MPC2: variants seen among roughly 807,000 people sequenced by gnomAD.
MPC2 encodes the protein mitochondrial pyruvate carrier 2, also known as brain protein 44.
MPC2 carries 19 observed loss-of-function variants against 19.2 expected under a neutral mutation model. The ratio of observed to expected loss-of-function variants is 0.99; its 90% CI spans 0.69 to 1.45. The LOEUF is 1.45. Ranked by LOEUF, MPC2 falls within the 40% of genes most tolerant of loss-of-function variation. The probability of loss-of-function intolerance (pLI) is 0.00; values close to 1 mark genes in which losing one functional copy is unlikely to be tolerated. For synonymous variants in MPC2, 61 were observed against 54.3 expected, an observed-to-expected ratio of 1.12 and a Z score of -0.54; for missense variants, 122 against 153.0, an observed-to-expected ratio of 0.80 and a Z score of 1.07.
intron 2 of MPC2, among the ~76,000 whole-genome samples, chr1:167,929,967 G>C (rs773421746): frequency 6.6e-6 from 1 of 151,924 alleles, no homozygotes. Flanking sequence ...AAGTTCACCT[G>C]TTTGCTATCA....
chr1:167,931,232 G>T (rs1467715729), intron 2 of MPC2, among the ~76,000 whole-genome samples: 1 of 152,082 alleles, frequency 6.6e-6, no homozygotes, highest in African/African-American at 2.4e-5. Flanking sequence ...GCGCCCAGCT[G>T]ATATTCCTTT....
chr1:167,936,758 G>C (rs1328176771), intron 1 of MPC2, 181 bp downstream of exon 1: 2 of 651,540 alleles, frequency 3.1e-6, no homozygotes, highest in Admixed American at 5.8e-5. Flanking sequence ...CAGGGGCCCA[G>C]GCGCCGCTGC....
chr1:167,935,880 G>A lies in MPC2; in HGVS notation c.-39C>T. 6.8e-7 allele frequency: 1 copy of A among 1,468,596 alleles called. No individual in the cohort carries two copies. Among genetic ancestry groups the A allele is most frequent in the Non-Finnish European group, 9.3e-7 (1 of 1,073,782 alleles). 91.0% of individuals were successfully genotyped at this position (1,468,596 alleles called of 1,614,324 possible). ...TCGTTGGCAGCCGGGTGGGAGCGTG[G>A]CTGTGTTCTCGTCCCTGGCTGACAA... is the stretch of plus-strand genomic sequence containing the variant. On this transcript the variant is annotated 5_prime_UTR_variant, in exon 2 of 6. Coordinates refer to ENST00000271373, the MANE Select transcript of MPC2 (RefSeq NM_001143674.4).
intron 2 of MPC2, among the ~76,000 whole-genome samples, chr1:167,928,276 A>G (rs1286567054): frequency 2.7e-5 from 4 of 149,002 alleles, no homozygotes; most frequent in Non-Finnish European, 6.0e-5. Flanking sequence ...TGAAGCCGGG[A>G]GGTGGAGCTT....
chr1:167,926,601 G>A (rs1366257564), intron 2 of MPC2, among the ~76,000 whole-genome samples: 1 of 152,200 alleles, frequency 6.6e-6, no homozygotes, highest in African/African-American at 2.4e-5. Context: ...CCCCAACTGT[G>A]GTGCCCCAAC....
At chr1:167,924,837 T>C (rs1200011668) in intron 2 of MPC2, among the ~76,000 whole-genome samples, 15 of 152,334 alleles carry the variant, frequency 9.8e-5, no homozygotes, top group Non-Finnish European at 8.8e-5. Flanking sequence ...TCTAATGTAC[T>C]TTCATACTAG....
At chr1:167,935,517 G>C (rs1671095581) in intron 2 of MPC2, among the ~76,000 whole-genome samples, 1 of 152,168 alleles carries the variant, frequency 6.6e-6, no homozygotes, top group African/African-American at 2.4e-5. Context: ...CACATAGGTG[G>C]GGAAGGGAGC....
intron 3 of MPC2, among the ~76,000 whole-genome samples, chr1:167,922,693 CAA>C (rs1011142607): frequency 1.3e-4 from 19 of 151,946 alleles, no homozygotes; most frequent in Admixed American, 7.9e-4. Flanking sequence ...GACAAAATGA[CAA>C]AGAGACTAAA....
chr1:167,930,291 A>C (rs2102553556), intron 2 of MPC2, among the ~76,000 whole-genome samples: 1 of 152,332 alleles, frequency 6.6e-6, no homozygotes, highest in East Asian at 1.9e-4. Context: ...GCTAAGATGC[A>C]TTGTAGGGAT....
intron 2 of MPC2, among the ~76,000 whole-genome samples, chr1:167,930,866 A>G (rs1331147115): frequency 6.6e-6 from 1 of 152,270 alleles, no homozygotes; most frequent in Non-Finnish European, 1.5e-5. Flanking sequence ...ACATCTGCAT[A>G]AACAGTTCTA....
rs913060873 is a variant in MPC2, at chr1:167,917,180, A to C, written c.*1143T>G. ...GAAAGTCAAATCAAATAGATAGTTA[A>C]TTATTTGTAGCGTGGAGTAATGTAT... On this transcript the variant is annotated 3_prime_UTR_variant, in exon 6 of 6. Coordinates refer to ENST00000271373, the MANE Select transcript of MPC2 (RefSeq NM_001143674.4). The C allele has an allele frequency of 7.9e-5, 12 of 152,214 alleles. No individual in the cohort carries two copies. The highest frequency in any genetic ancestry group is 2.7e-4 in the African/African-American group (11 of 41,456). 9.4% of individuals were successfully genotyped at this position (152,214 alleles called of 1,614,324 possible). A position where few individuals can be genotyped will look rare whatever the true frequency, so the allele number is the denominator to read the frequency against.
At chr1:167,926,544 T>C (rs1274505328) in intron 2 of MPC2, among the ~76,000 whole-genome samples, 4 of 152,220 alleles carry the variant, frequency 2.6e-5, no homozygotes, top group Non-Finnish European at 2.9e-5. Context: ...ATTAGCCAAG[T>C]CAGCGGTTCT....
intron 1 of MPC2, 186 bp downstream of exon 1, chr1:167,936,753 G>A: frequency 1.6e-6 from 1 of 635,982 alleles, no homozygotes; most frequent in South Asian, 2.0e-5. Flanking sequence ...GGCTTCAGGG[G>A]CCCAGGCGCC....
At position 167,919,967 on chromosome 1, in the gene MPC2, T is replaced by C; in HGVS notation, c.347+12A>G. 2 of 1,593,694 alleles carry C rather than the reference T, an allele frequency of 1.3e-6. No individual in the cohort carries two copies. Among genetic ancestry groups the C allele is most frequent in the Non-Finnish European group, 1.7e-6 (2 of 1,168,196 alleles). ...TTTGCAACAGTTTTAAAAATATCTC[T>C]GGTAGGCTTACCTCCAAATACGAAA... On this transcript the variant is annotated intron_variant, in intron 5 of 5. Transcript: ENST00000271373.
intron 5 of MPC2, among the ~76,000 whole-genome samples, chr1:167,919,131 A>C (rs1026037223): frequency 1.3e-5 from 2 of 152,224 alleles, no homozygotes; most frequent in African/African-American, 4.8e-5. Flanking sequence ...AAAGTAAAAT[A>C]TACTTCTAAC....
At chr1:167,920,683 G>C in intron 3 of MPC2, 52 bp from the exon 4 acceptor site, 1 of 1,539,614 alleles carries the variant, frequency 6.5e-7, no homozygotes, top group Non-Finnish European at 8.8e-7. Flanking sequence ...TGGAGTAATA[G>C]TTTTAACTTT....
intron 3 of MPC2, among the ~76,000 whole-genome samples, chr1:167,921,457 G>C (rs1670598912): frequency 6.6e-6 from 1 of 152,034 alleles, no homozygotes; most frequent in Non-Finnish European, 1.5e-5. Context: ...CCTGACCGCA[G>C]GTGATCCGCC....
At chr1:167,923,802 T>C (rs1234833365) in intron 3 of MPC2, among the ~76,000 whole-genome samples, 1 of 152,102 alleles carries the variant, frequency 6.6e-6, no homozygotes, top group Non-Finnish European at 1.5e-5. Context: ...ACTCCACATC[T>C]AGAGTTTCAG....
intron 2 of MPC2, among the ~76,000 whole-genome samples, chr1:167,930,335 CA>C (rs1670872237): frequency 6.6e-6 from 1 of 152,126 alleles, no homozygotes; most frequent in Admixed American, 6.5e-5. Flanking sequence ...TCTTCAGGTA[CA>C]AAGAATCAGT....
Sources: gnomAD v4.1 joint callset for allele counts (sites outside exome capture counted in the v4.1 genomes callset) on GRCh38, gnomAD v4.1.1 for gene constraint, MANE v1.5 for transcripts, NCBI Gene and HGNC (gene_info 2026-07-23, HGNC 2026-07-21) for gene names.